SPATA17: variants seen among roughly 807,000 people sequenced by gnomAD.
SPATA17 encodes the protein spermatogenesis associated 17.
SPATA17 carries 53 observed loss-of-function variants against 62.2 expected under a neutral mutation model. That is an observed-to-expected ratio of 0.85 (90% CI 0.68 to 1.07). The LOEUF is 1.07. Among genes scored for constraint, SPATA17 ranks in the 50% least tolerant of loss-of-function variants. The pLI is 0.00. For synonymous variants in SPATA17, 146 were observed against 146.8 expected, an observed-to-expected ratio of 0.99 and a Z score of 0.04; for missense variants, 466 against 425.5, an observed-to-expected ratio of 1.10 and a Z score of -0.84.
intron 9 of SPATA17, among the ~76,000 whole-genome samples, chr1:217,836,432 G>T (rs61827071): frequency 4.3e-4 from 66 of 152,128 alleles, no homozygotes; most frequent in African/African-American, 1.6e-3. Context: ...CAGTAGAAAC[G>T]GACAAAAGCT....
At chr1:217,639,418 G>A (rs553530984) in intron 1 of SPATA17, among the ~76,000 whole-genome samples, 9 of 152,136 alleles carry the variant, frequency 5.9e-5, no homozygotes, top group Admixed American at 4.6e-4. Flanking sequence ...CCTACCTGAC[G>A]AAATGTACTC....
intron 6 of SPATA17, among the ~76,000 whole-genome samples, chr1:217,765,991 A>G (rs777985394): frequency 6.6e-6 from 1 of 151,576 alleles, no homozygotes; most frequent in Non-Finnish European, 1.5e-5. Context: ...GTTTCTTTTT[A>G]TTATTGTTAT....
intron 1 of SPATA17, among the ~76,000 whole-genome samples, chr1:217,634,999 C>T (rs1669905380): frequency 6.6e-6 from 1 of 152,034 alleles, no homozygotes; most frequent in Non-Finnish European, 1.5e-5. Flanking sequence ...TTCTTTGTGA[C>T]TTATTGGTCA....
At chr1:217,651,581 C>G (rs1338552818) in intron 3 of SPATA17, among the ~76,000 whole-genome samples, 1 of 152,130 alleles carries the variant, frequency 6.6e-6, no homozygotes, top group African/African-American at 2.4e-5. Context: ...CTCATAAGGA[C>G]GCTAAACTGA....
At chr1:217,801,394 C>T (rs1446729557) in intron 8 of SPATA17, among the ~76,000 whole-genome samples, 1 of 152,116 alleles carries the variant, frequency 6.6e-6, no homozygotes, top group African/African-American at 2.4e-5. Flanking sequence ...AGAACATTTT[C>T]ATTTATATGA....
intron 9 of SPATA17, among the ~76,000 whole-genome samples, chr1:217,851,358 G>A (rs887118430): frequency 6.6e-6 from 1 of 151,760 alleles, no homozygotes; most frequent in African/African-American, 2.4e-5. Flanking sequence ...AAAGCTCCAG[G>A]TTCACATGTT....
At chr1:217,833,451 G>T (rs1449467248) in intron 9 of SPATA17, among the ~76,000 whole-genome samples, 1 of 152,150 alleles carries the variant, frequency 6.6e-6, no homozygotes, top group African/African-American at 2.4e-5. Context: ...CAGATATTAC[G>T]AGTGCATGCC....
chr1:217,819,411 G>A (rs1033234947), intron 9 of SPATA17, among the ~76,000 whole-genome samples: 3 of 151,560 alleles, frequency 2.0e-5, no homozygotes, highest in Admixed American at 2.0e-4. Context: ...TGACTCAAAG[G>A]TGCATCTTTC....
intron 3 of SPATA17, among the ~76,000 whole-genome samples, chr1:217,654,106 A>T (rs138478693): frequency 2.0e-5 from 3 of 150,512 alleles, no homozygotes; most frequent in Admixed American, 2.0e-4. Context: ...TCCAATTTTG[A>T]CATATGATTT....
At chr1:217,748,608 G>A (rs1344499827) in intron 6 of SPATA17, among the ~76,000 whole-genome samples, 6 of 151,572 alleles carry the variant, frequency 4.0e-5, no homozygotes. Flanking sequence ...AGTTGGATGT[G>A]GTGGCGGGCG....
chr1:217,784,503 T>A (rs1673807844), intron 8 of SPATA17, among the ~76,000 whole-genome samples: 2 of 152,236 alleles, frequency 1.3e-5, no homozygotes, highest in Non-Finnish European at 2.9e-5. Context: ...ACTCAAATCT[T>A]AGTTCCATTA....
At chr1:217,706,110 A>C (rs944520821) in intron 5 of SPATA17, among the ~76,000 whole-genome samples, 24 of 152,152 alleles carry the variant, frequency 1.6e-4, no homozygotes, top group African/African-American at 5.8e-4. Flanking sequence ...TGGTTTCTGT[A>C]GTCTTGTAGT....
intron 5 of SPATA17, among the ~76,000 whole-genome samples, chr1:217,687,710 G>T (rs1251166039): frequency 6.6e-6 from 1 of 152,116 alleles, no homozygotes; most frequent in Non-Finnish European, 1.5e-5. Context: ...TATGCACGAT[G>T]ATGAAATTGC....
rs912598666 is a variant in SPATA17 at position 217,871,141 on chromosome 1, G to T, written c.*4122G>T. The T allele has an allele frequency of 6.6e-6, 1 of 152,076 alleles. No homozygotes were observed. The highest frequency in any genetic ancestry group is 6.6e-5 in the Admixed American group (1 of 15,250). 9.4% of individuals were successfully genotyped at this position (152,076 alleles called of 1,614,324 possible). ...AGATCAAGCTATGATTGCTGCTTGC[G>T]TAAAGTGTTCCTTTTGGGAAATAAA... On this transcript the variant is annotated 3_prime_UTR_variant, in exon 11 of 11. Transcript: ENST00000366933.
In SPATA17 at chr1:217,791,318, A is replaced by G. The variant is rs202133289; in HGVS notation, c.872+8996A>G. On this transcript the variant is annotated intron_variant, in intron 8 of 10. Transcript: ENST00000366933. ...GCCTCTCCCAGCTAATTTCCAGTGG[A>G]AATTTACAAAGTGCTGCCTTCATTT... Among the ~76,000 whole-genome samples, 10 of 152,298 alleles carry G rather than the reference A, an allele frequency of 6.6e-5. No homozygotes were observed. The East Asian group carries it at 1.9e-3, about 29-fold the overall frequency.
Position 217,869,868 on chromosome 1 carries a change from G to C in SPATA17, c.*2849G>C, listed in dbSNP as rs991304673. 6.6e-6 allele frequency: 1 copy of C among 151,632 alleles called. No homozygotes were observed. The highest frequency in any genetic ancestry group is 1.5e-5 in the Non-Finnish European group (1 of 67,926). The allele number at this position is 151,632 out of a possible 1,614,324, so 9.4% of individuals were successfully genotyped here. A position where few individuals can be genotyped will look rare whatever the true frequency, so the allele number is the denominator to read the frequency against. Reference sequence around the variant, plus strand: ...GATGTTTGGAGGGGGGGGTCTTAAAGCTTTATTTTTAGATTACAGCATATT... The same window carrying C: ...GATGTTTGGAGGGGGGGGTCTTAAACCTTTATTTTTAGATTACAGCATATT... On this transcript the variant is annotated 3_prime_UTR_variant, in exon 11 of 11. Transcript: ENST00000366933.
At chr1:217,683,480 C>T in intron 5 of SPATA17, 119 bp downstream of exon 5, 2 of 689,692 alleles carry the variant, frequency 2.9e-6, no homozygotes, top group Non-Finnish European at 5.1e-6. Context: ...GCTCTGTTGC[C>T]CAGTCTGGAG....
At chr1:217,765,146 T>G (rs34022234) in intron 6 of SPATA17, among the ~76,000 whole-genome samples, 73,635 of 151,560 alleles carry the variant, frequency 0.49, 19,115 homozygotes, top group Non-Finnish European at 0.59. Context: ...ATTAGTAATT[T>G]GCATCTTCTT....
At chr1:217,801,672 G>A in intron 8 of SPATA17, 46 bp from the exon 9 acceptor site, 1 of 1,507,858 alleles carries the variant, frequency 6.6e-7, no homozygotes, top group Non-Finnish European at 9.0e-7. Context: ...AAAATCAAAT[G>A]TCTCTAGAAA....
Sources: allele counts gnomAD v4.1 joint callset (sites outside exome capture counted in the v4.1 genomes callset), GRCh38; gene constraint gnomAD v4.1.1; transcripts MANE v1.5; gene names NCBI Gene and HGNC (gene_info 2026-07-23, HGNC 2026-07-21).